CCDC171: variants seen among roughly 807,000 people sequenced by gnomAD.
CCDC171 encodes coiled-coil domain-containing protein 171.
CCDC171 carries 177 observed loss-of-function variants against 168.2 expected under a neutral mutation model. That is an observed-to-expected ratio of 1.05 (90% CI 0.93 to 1.19). CCDC171 has a LOEUF of 1.19. Ranked by LOEUF, CCDC171 falls within the 50% of genes most tolerant of loss-of-function variation. The pLI is 0.00. For missense variants in CCDC171, 1,991 were observed against 1,539.0 expected (o/e 1.29, Z -4.91); for synonymous variants, 687 against 540.8 (o/e 1.27, Z -3.75).
At chr9:15,763,335 G>T (rs1211219794) in intron 18 of CCDC171, among the ~76,000 whole-genome samples, 1 of 152,116 alleles carries the variant, frequency 6.6e-6, no homozygotes, top group Non-Finnish European at 1.5e-5. Flanking sequence ...ATGATTGAAT[G>T]GATCATGCTC....
chr9:15,622,096 C>G (rs920456767), intron 6 of CCDC171, among the ~76,000 whole-genome samples: 1 of 152,088 alleles, frequency 6.6e-6, no homozygotes, highest in Non-Finnish European at 1.5e-5. Flanking sequence ...CACATGGACA[C>G]AAAGAGGGGA....
chr9:15,857,543 C>G (rs1225501593), intron 23 of CCDC171, among the ~76,000 whole-genome samples: 1 of 151,916 alleles, frequency 6.6e-6, no homozygotes, highest in Non-Finnish European at 1.5e-5. Context: ...GTTCCTCAAC[C>G]TCCTAAGTAG....
chr9:15,692,508 T>TCA (rs1172156408), intron 10 of CCDC171, among the ~76,000 whole-genome samples: 13 of 151,860 alleles, frequency 8.6e-5, no homozygotes, highest in Admixed American at 8.5e-4. Context: ...GATTCTCTTC[T>TCA]CAGAGACAAC....
intron 23 of CCDC171, among the ~76,000 whole-genome samples, chr9:15,861,742 G>A (rs1035463150): frequency 2.6e-5 from 4 of 151,508 alleles, no homozygotes; most frequent in South Asian, 2.1e-4. Flanking sequence ...TAATACTTTC[G>A]TGTTTTAACT....
chr9:15,710,443 C>T (rs2052574794), intron 11 of CCDC171, among the ~76,000 whole-genome samples: 1 of 152,110 alleles, frequency 6.6e-6, no homozygotes, highest in Admixed American at 6.5e-5. Context: ...GCTGGGACTG[C>T]AGGTGCCTGC....
Position 15,669,761 on chromosome 9 carries a change from G to T in CCDC171, c.1076+3438G>T, listed in dbSNP as rs190353349. Among the ~76,000 whole-genome samples, 5 of 152,080 alleles carry T rather than the reference G, an allele frequency of 3.3e-5. No homozygotes were observed. In the East Asian group the frequency reaches 5.8e-4, roughly 18 times the overall value. On this transcript the variant is annotated intron_variant, in intron 9 of 25. Coordinates refer to ENST00000380701, the MANE Select transcript of CCDC171 (RefSeq NM_173550.4). ...TCAAATATATCATGCTGAATGGACT[G>T]CATCTAAATTTATTTCTTAGACTCA...
chr9:15,881,095 G>A (rs1818581623), intron 24 of CCDC171, among the ~76,000 whole-genome samples: 1 of 152,142 alleles, frequency 6.6e-6, no homozygotes, highest in African/African-American at 2.4e-5. Flanking sequence ...GTGAATATAA[G>A]AAGTAGTGAA....
chr9:15,878,369 A>G (rs1478097561), intron 24 of CCDC171, among the ~76,000 whole-genome samples: 1 of 152,196 alleles, frequency 6.6e-6, no homozygotes, highest in Non-Finnish European at 1.5e-5. Flanking sequence ...GGAGTATGAA[A>G]AAAAAAACTC....
chr9:15,794,175 A>G (rs1308857376), intron 21 of CCDC171, among the ~76,000 whole-genome samples: 1 of 152,164 alleles, frequency 6.6e-6, no homozygotes, highest in Non-Finnish European at 1.5e-5. Flanking sequence ...CATAAATTAA[A>G]AATCATGGAC....
chr9:16,056,310 T>G (rs1319144658), intron 1 of CCDC171, among the ~76,000 whole-genome samples: 1 of 152,234 alleles, frequency 6.6e-6, no homozygotes, highest in African/African-American at 2.4e-5. Context: ...ATGTTTGTAC[T>G]GTCTAATCCA....
At chr9:15,657,609 T>C (rs1262320681) in intron 8 of CCDC171, among the ~76,000 whole-genome samples, 1 of 152,184 alleles carries the variant, frequency 6.6e-6, no homozygotes, top group Non-Finnish European at 1.5e-5. Context: ...GTGCATGTTA[T>C]TTATTGAGTG....
intron 18 of CCDC171, among the ~76,000 whole-genome samples, chr9:15,770,902 A>G (rs1160014766): frequency 2.6e-5 from 4 of 152,204 alleles, no homozygotes; most frequent in African/African-American, 9.6e-5. Context: ...AGTATCCCAT[A>G]CATGTGTACA....
intron 18 of CCDC171, among the ~76,000 whole-genome samples, chr9:15,754,051 T>A (rs2055933885): frequency 6.6e-6 from 1 of 152,130 alleles, no homozygotes; most frequent in African/African-American, 2.4e-5. Flanking sequence ...AGTAGAAATT[T>A]CAGGTATTTT....
the CCDC171 span, among the ~76,000 whole-genome samples, chr9:16,104,623 C>T: frequency 6.6e-6 from 1 of 152,156 alleles, no homozygotes; most frequent in Non-Finnish European, 1.5e-5. Context: ...ATTCCATCAT[C>T]CATCAATCAT....
At chr9:15,949,531 C>T (rs1828858521) in intron 25 of CCDC171, among the ~76,000 whole-genome samples, 1 of 151,520 alleles carries the variant, frequency 6.6e-6, no homozygotes, top group Non-Finnish European at 1.5e-5. Flanking sequence ...TTGAAGAGGT[C>T]CTTCACATCC....
intron 21 of CCDC171, among the ~76,000 whole-genome samples, chr9:15,789,547 G>A (rs2058140176): frequency 6.6e-6 from 1 of 152,110 alleles, no homozygotes; most frequent in Admixed American, 6.5e-5. Context: ...TCCTTCAGAA[G>A]CCAACAAAGA....
intron 18 of CCDC171, among the ~76,000 whole-genome samples, chr9:15,752,344 A>G (rs2055808195): frequency 6.6e-6 from 1 of 152,194 alleles, no homozygotes. Flanking sequence ...CAGTTTGGCA[A>G]TTCCTCAAGG....
At chr9:15,787,959 T>G (rs560103247) in intron 21 of CCDC171, among the ~76,000 whole-genome samples, 1 of 152,216 alleles carries the variant, frequency 6.6e-6, no homozygotes, top group East Asian at 1.9e-4. Flanking sequence ...AAAGCATCTT[T>G]GTCATTTTGA....
intron 6 of CCDC171, among the ~76,000 whole-genome samples, chr9:15,615,619 CTGAT>C (rs2044021519): frequency 6.6e-6 from 1 of 151,966 alleles, no homozygotes; most frequent in Non-Finnish European, 1.5e-5. Flanking sequence ...TAAGCTCTAA[CTGAT>C]TGGCCTTTGA....
Sources: gnomAD v4.1 joint callset for allele counts (sites outside exome capture counted in the v4.1 genomes callset) on GRCh38, gnomAD v4.1.1 for gene constraint, MANE v1.5 for transcripts, NCBI Gene and HGNC (gene_info 2026-07-23, HGNC 2026-07-21) for gene names.